SGF29: variants seen among roughly 807,000 people sequenced by gnomAD.
The protein encoded by SGF29 is SAGA-associated factor 29.
SGF29 carries 15 observed loss-of-function variants against 38.1 expected under a neutral mutation model. The observed-to-expected ratio is 0.39, with a 90% CI of 0.26 to 0.61. The LOEUF is 0.61. SGF29 is among the 20% of genes least tolerant of loss of function. SGF29 has a pLI of 0.49. For missense variants in SGF29, 184 were observed against 394.6 expected, an observed-to-expected ratio of 0.47 and a Z score of 4.52; for synonymous variants, 151 against 160.8, an observed-to-expected ratio of 0.94 and a Z score of 0.46.
intron 1 of SGF29, among the ~76,000 whole-genome samples, chr16:28,576,532 C>T (rs1038888459): frequency 3.9e-5 from 6 of 152,000 alleles, no homozygotes; most frequent in African/African-American, 9.7e-5. Flanking sequence ...GAAACCCCAT[C>T]TCTACTAAAA....
Position 28,556,121 on chromosome 16 carries a change from T to G in SGF29, c.-16+2024T>G, listed in dbSNP as rs189178255. On this transcript the variant is annotated intron_variant, in intron 1 of 9. Coordinates refer to ENST00000317058, the MANE Select transcript of SGF29 (RefSeq NM_138414.3). ...AATACAGAGGCATGAAGGAAAAAAA[T>G]TGTCTTCTTAATGTCTCTTTAACCA... Among the ~76,000 whole-genome samples the G allele has an allele frequency of 2.5e-3, 388 of 152,236 alleles. 1 individual carries two copies. Among genetic ancestry groups the G allele is most frequent in the Non-Finnish European group, 4.7e-3 (317 of 68,004 alleles).
chr16:28,575,314 A>G (rs775260013), intron 1 of SGF29, among the ~76,000 whole-genome samples: 6 of 152,246 alleles, frequency 3.9e-5, no homozygotes, highest in Admixed American at 2.0e-4. Context: ...ACACAGATCA[A>G]TATCACAAGC....
At chr16:28,575,797 A>T (rs1303965738) in intron 1 of SGF29, among the ~76,000 whole-genome samples, 1 of 152,224 alleles carries the variant, frequency 6.6e-6, no homozygotes, top group Non-Finnish European at 1.5e-5. Context: ...TTAGGGACAC[A>T]CAAATCAAAA....
chr16:28,583,394 C>A (rs1358845880), intron 2 of SGF29, among the ~76,000 whole-genome samples: 1 of 152,188 alleles, frequency 6.6e-6, no homozygotes, highest in East Asian at 1.9e-4. Flanking sequence ...CCCCCCCCAA[C>A]CCCAATCCAT....
chr16:28,564,746 T>TATATATATAC (rs1555474928), intron 1 of SGF29, among the ~76,000 whole-genome samples: 26 of 24,842 alleles, frequency 1.0e-3, no homozygotes, highest in East Asian at 1.2e-3. Flanking sequence ...TGTATATATG[T>TATATATATAC]ATATATATGT....
At chr16:28,555,566 AT>A (rs1018696935) in intron 1 of SGF29, among the ~76,000 whole-genome samples, 2 of 152,192 alleles carry the variant, frequency 1.3e-5, no homozygotes, top group African/African-American at 4.8e-5. Flanking sequence ...CTGTATAGCT[AT>A]TTTAAAAGAG....
chr16:28,560,591 GAA>G (rs973144396), intron 1 of SGF29, among the ~76,000 whole-genome samples: 6 of 61,562 alleles, frequency 9.7e-5, no homozygotes, highest in Admixed American at 3.5e-4. Flanking sequence ...TCTGTCTCAA[GAA>G]AAAAAAAAAA....
intron 1 of SGF29, among the ~76,000 whole-genome samples, chr16:28,569,458 A>G (rs1428640639): frequency 6.6e-6 from 1 of 151,712 alleles, no homozygotes; most frequent in Admixed American, 6.6e-5. Context: ...TCAGGAGTTC[A>G]AGACCAGCCT....
intron 1 of SGF29, among the ~76,000 whole-genome samples, chr16:28,564,723 A>T (rs1272738228): frequency 1.3e-5 from 1 of 79,340 alleles, no homozygotes; most frequent in African/African-American, 5.1e-5. Context: ...ATATGTATAT[A>T]TATACATATA....
intron 2 of SGF29, among the ~76,000 whole-genome samples, chr16:28,584,345 A>C (rs1275627529): frequency 2.0e-5 from 3 of 151,570 alleles, no homozygotes; most frequent in Non-Finnish European, 4.4e-5. Flanking sequence ...ATCATCTTGA[A>C]CTCCTGAATT....
intron 4 of SGF29, among the ~76,000 whole-genome samples, chr16:28,586,978 G>C (rs1289683733): frequency 6.6e-6 from 1 of 152,100 alleles, no homozygotes; most frequent in Non-Finnish European, 1.5e-5. Flanking sequence ...CTCCTGAGTA[G>C]CTGGGACAAT....
rs112477200 is a variant in SGF29 at position 28,569,734 on chromosome 16, G to T, written c.-15-11321G>T. On this transcript the variant is annotated intron_variant, in intron 1 of 9. Coordinates refer to ENST00000317058, the MANE Select transcript of SGF29 (RefSeq NM_138414.3). ...CATCCTTTGATAAGGAGACTAGTAT[G>T]GATGTGGAAGCCAGGTACTAATCAA... 7.6e-3 allele frequency among the ~76,000 whole-genome samples: 1,163 copies of T among 152,308 alleles called. 7 individuals are homozygous for T. Among genetic ancestry groups the T allele is most frequent in the Non-Finnish European group, 0.013 (876 of 68,014 alleles).
chr16:28,586,326 G>T (rs1480463144), intron 4 of SGF29, among the ~76,000 whole-genome samples: 2 of 151,966 alleles, frequency 1.3e-5, no homozygotes, highest in Admixed American at 6.6e-5. Context: ...ATCACCTGAG[G>T]TTGGGGGTTT....
chr16:28,578,518 A>G lies in SGF29; in HGVS notation c.-15-2537A>G, dbSNP rs2046907423. On this transcript the variant is annotated intron_variant, in intron 1 of 9. Transcript: ENST00000317058. ...GTTGAGGAGGTTACCCTCTATTCCT[A>G]GTTTGTATGTTATTATACTTTTAAA... Among the ~76,000 whole-genome samples the G allele has an allele frequency of 2.0e-5, 3 of 152,156 alleles. No individual in the cohort carries two copies. The South Asian group carries it at 6.2e-4, about 32-fold the overall frequency.
intron 4 of SGF29, among the ~76,000 whole-genome samples, chr16:28,587,903 G>A (rs1329853456): frequency 2.6e-5 from 4 of 152,140 alleles, no homozygotes; most frequent in South Asian, 2.1e-4. Context: ...AGGTTCAAGC[G>A]ATTCTCTTGC....
chr16:28,588,039 A>G (rs2046965163), intron 4 of SGF29, among the ~76,000 whole-genome samples: 3 of 151,882 alleles, frequency 2.0e-5, no homozygotes, highest in Admixed American at 6.6e-5. Context: ...ACCTCAAGTG[A>G]TCCTCCTGCC....
chr16:28,574,888 G>T (rs2046884451), intron 1 of SGF29, among the ~76,000 whole-genome samples: 1 of 152,082 alleles, frequency 6.6e-6, no homozygotes, highest in Admixed American at 6.6e-5. Flanking sequence ...TCTTTTGTGT[G>T]GTTTTAACTA....
intron 1 of SGF29, among the ~76,000 whole-genome samples, chr16:28,564,685 G>GTATATATATGTATATATATATATATA (rs1434333961): frequency 1.4e-5 from 1 of 71,188 alleles, no homozygotes; most frequent in Non-Finnish European, 2.7e-5. Context: ...GTATATATAT[G>GTATATATATGTATATATATATATATA]TGTATATATA....
chr16:28,580,361 C>A (rs2046918182), intron 1 of SGF29, among the ~76,000 whole-genome samples: 1 of 152,118 alleles, frequency 6.6e-6, no homozygotes, highest in Non-Finnish European at 1.5e-5. Context: ...GTTCTAGGGG[C>A]CATAATTCCA....
Sources: allele counts gnomAD v4.1 joint callset (sites outside exome capture counted in the v4.1 genomes callset), GRCh38; gene constraint gnomAD v4.1.1; transcripts MANE v1.5; gene names NCBI Gene and HGNC (gene_info 2026-07-23, HGNC 2026-07-21).